SRGAP3: variants seen among roughly 807,000 people sequenced by gnomAD.
SRGAP3 encodes SLIT-ROBO Rho GTPase activating protein 3, also known as SLIT-ROBO Rho GTPase-activating protein 3.
In SRGAP3, 39 loss-of-function variants were observed where a neutral mutation model predicts 121.1. The ratio of observed to expected loss-of-function variants is 0.32; its 90% confidence interval spans 0.25 to 0.42. The LOEUF (loss-of-function observed/expected upper bound fraction) is 0.42, where lower values mean the gene tolerates loss of function less well. Among genes scored for constraint, SRGAP3 ranks in the 10% least tolerant of loss-of-function variants. The pLI is 1.00. For synonymous variants in SRGAP3, 601 were observed against 570.0 expected, an observed-to-expected ratio of 1.05 and a Z score of -0.77; for missense variants, 1,213 against 1,470.6, an observed-to-expected ratio of 0.82 and a Z score of 2.86.
At chr3:9,069,290 C>A (rs1298718828) in intron 4 of SRGAP3, among the ~76,000 whole-genome samples, 1 of 152,136 alleles carries the variant, frequency 6.6e-6, no homozygotes, top group Non-Finnish European at 1.5e-5. Context: ...TGGTGAAGAT[C>A]AGAAGGGGGT....
At chr3:9,201,693 A>G (rs1952072443) in intron 1 of SRGAP3, among the ~76,000 whole-genome samples, 1 of 152,364 alleles carries the variant, frequency 6.6e-6, no homozygotes, top group East Asian at 1.9e-4. Context: ...CAGGGAGAGT[A>G]CACTGACATC....
intron 1 of SRGAP3, among the ~76,000 whole-genome samples, chr3:9,161,690 T>C (rs2543500): frequency 3.3e-5 from 5 of 152,020 alleles, no homozygotes; most frequent in African/African-American, 4.8e-5. Context: ...GTACCAACAA[T>C]AGGAGGGAGA....
chr3:9,099,278 C>T (rs1175793274), intron 3 of SRGAP3, among the ~76,000 whole-genome samples: 1 of 152,028 alleles, frequency 6.6e-6, no homozygotes, highest in Non-Finnish European at 1.5e-5. Flanking sequence ...CGCTTCTCTG[C>T]AAAGAGTCTT....
intron 1 of SRGAP3, among the ~76,000 whole-genome samples, chr3:9,229,703 T>A (rs1176024053): frequency 6.6e-5 from 10 of 152,324 alleles, no homozygotes; most frequent in Non-Finnish European, 2.9e-5. Flanking sequence ...CCCATTCATA[T>A]TTCTATCTAT....
Position 9,146,505 on chromosome 3 carries a change from G to T in SRGAP3, c.68-21588C>A, listed in dbSNP as rs1950027731. 3.9e-5 allele frequency among the ~76,000 whole-genome samples: 6 copies of T among 152,374 alleles called. 2 individuals are homozygous for T. The highest frequency in any genetic ancestry group is 3.9e-4 in the Admixed American group (6 of 15,308). On this transcript the variant is annotated intron_variant, in intron 1 of 21. Transcript: ENST00000383836. ...TGAAAAGGAAGCCAGTCTGGGAGAA[G>T]AAGTGGCCTCTAAGTGAAATATAAG...
intron 3 of SRGAP3, among the ~76,000 whole-genome samples, chr3:9,102,625 G>C (rs1466863322): frequency 6.6e-6 from 1 of 152,230 alleles, no homozygotes; most frequent in Admixed American, 6.5e-5. Flanking sequence ...AAGTCAGCCA[G>C]CCAGGCTCCG....
chr3:9,230,272 G>A (rs116747297), intron 1 of SRGAP3, among the ~76,000 whole-genome samples: 1,664 of 152,278 alleles, frequency 0.011, 12 homozygotes, highest in African/African-American at 0.025. Context: ...AAGTCACACG[G>A]CTAGAAAGTG....
At chr3:9,171,299 C>T (rs960465164) in intron 1 of SRGAP3, among the ~76,000 whole-genome samples, 3 of 152,212 alleles carry the variant, frequency 2.0e-5, no homozygotes, top group Admixed American at 6.5e-5. Context: ...CAGCCTCCAG[C>T]GCATGGGAAG....
chr3:9,253,728 T>C (rs925705171), upstream of SRGAP3, among the ~76,000 whole-genome samples: 1 of 152,206 alleles, frequency 6.6e-6, no homozygotes, highest in African/African-American at 2.4e-5. Context: ...CAGATTTTAA[T>C]AGAATTAATA....
chr3:9,011,479 T>C (rs2125023747), intron 17 of SRGAP3, among the ~76,000 whole-genome samples: 1 of 152,342 alleles, frequency 6.6e-6, no homozygotes, highest in Non-Finnish European at 1.5e-5. Flanking sequence ...ACACATGCTA[T>C]GCTCTGACCA....
Position 9,218,655 on chromosome 3 carries a change from T to A in SRGAP3, c.67+30230A>T, listed in dbSNP as rs1952708459. ...TATCTTTTAATTTTACTTTTTATTATTTATTATTTTTATTTATTTATTTAC... is the reference window on the plus strand; with the variant it reads ...TATCTTTTAATTTTACTTTTTATTAATTATTATTTTTATTTATTTATTTAC... On this transcript the variant is annotated intron_variant, in intron 1 of 21. Transcript: ENST00000383836. This position sits in a 1 kb window ranked among gnomAD's most constrained non-coding sequence, Gnocchi z 5.3. 1 of 151,958 alleles carries A rather than the reference T, an allele frequency of 6.6e-6. No individual in the cohort carries two copies. The highest frequency in any genetic ancestry group is 2.4e-5 in the African/African-American group (1 of 41,424). 9.4% of individuals were successfully genotyped at this position (151,958 alleles called of 1,614,324 possible).
chr3:9,116,528 C>T (rs961418709), intron 2 of SRGAP3, among the ~76,000 whole-genome samples: 4 of 152,110 alleles, frequency 2.6e-5, no homozygotes, highest in African/African-American at 4.8e-5. Flanking sequence ...ACATGGGAGG[C>T]GAGAGGAGCA....
intron 3 of SRGAP3, among the ~76,000 whole-genome samples, chr3:9,262,552 A>AAAAAAAAAAC (rs1954276247): frequency 1.3e-5 from 2 of 149,224 alleles, no homozygotes; most frequent in Non-Finnish European, 3.0e-5. Flanking sequence ...AAAAAAAAAA[A>AAAAAAAAAAC]AAAAGCAGTG....
At chr3:9,151,431 G>C (rs889439523) in intron 1 of SRGAP3, among the ~76,000 whole-genome samples, 1 of 152,210 alleles carries the variant, frequency 6.6e-6, no homozygotes, top group Non-Finnish European at 1.5e-5. Flanking sequence ...CCAGAGAAGA[G>C]GTTGAACTTT....
intron 2 of SRGAP3, among the ~76,000 whole-genome samples, chr3:9,116,845 C>T (rs1005813627): frequency 6.6e-6 from 1 of 152,202 alleles, no homozygotes; most frequent in Non-Finnish European, 1.5e-5. Context: ...CTTAATTTCT[C>T]GAAAACTCAG....
chr3:9,101,605 A>G (rs1170720526), intron 3 of SRGAP3, among the ~76,000 whole-genome samples: 1 of 152,212 alleles, frequency 6.6e-6, no homozygotes. Context: ...CCTCCCCACA[A>G]AAAACGGGAA....
intron 4 of SRGAP3, among the ~76,000 whole-genome samples, chr3:9,069,560 T>C (rs974207546): frequency 1.3e-5 from 2 of 152,236 alleles, no homozygotes; most frequent in African/African-American, 4.8e-5. Context: ...ACCACTGTTC[T>C]TGGACCAAGT....
chr3:9,138,433 C>A (rs191890077), intron 1 of SRGAP3, among the ~76,000 whole-genome samples: 1 of 152,118 alleles, frequency 6.6e-6, no homozygotes, highest in African/African-American at 2.4e-5. Context: ...AGTATTCAAG[C>A]AAGGGTTGAA....
intron 3 of SRGAP3, among the ~76,000 whole-genome samples, chr3:9,318,877 T>C (rs1955395122): frequency 6.6e-6 from 1 of 150,734 alleles, no homozygotes; most frequent in African/African-American, 2.4e-5. Context: ...AGACCGCATC[T>C]CAAGAAAAAA....
Sources: gnomAD v4.1 joint callset for allele counts (sites outside exome capture counted in the v4.1 genomes callset) on GRCh38, gnomAD v4.1.1 for gene constraint, Gnocchi (gnomAD v3.1) non-coding constraint, MANE v1.5 for transcripts, NCBI Gene and HGNC (gene_info 2026-07-23, HGNC 2026-07-21) for gene names.